SMIM10L2B: variants seen among roughly 807,000 people sequenced by gnomAD.
SMIM10L2B encodes the protein small integral membrane protein 10-like protein 2B.
For synonymous variants in SMIM10L2B, 28 were observed against 30.0 expected (o/e 0.93, Z 0.22); for missense variants, 40 against 58.7 (o/e 0.68, Z 1.04).
chrX:135,098,485 A>G lies in SMIM10L2B; in HGVS notation c.149T>C (p.Leu50Pro). ...LTRTLLTFFD[L>P]AWRLRMNFPY... is the part of the protein sequence containing the mutation. ...GAAGTTCATGCGCAGCCGCCAGGCC[A>G]GGTCGAAGAAGGTGAGCAGCGTGCG... Residue 50 changes from leucine to proline, a missense_variant, in exon 1 of 2, where the codon CTG becomes CCG. Coordinates refer to ENST00000433425, the MANE Select transcript of SMIM10L2B (RefSeq NM_001348255.2). 1 of 1,057,219 alleles carries G rather than the reference A, an allele frequency of 9.5e-7. No individual in the cohort carries two copies. The highest frequency in any genetic ancestry group is 4.0e-5 in the East Asian group (1 of 24,821). 87.1% of individuals were successfully genotyped at this position (1,057,219 alleles called of 1,213,427 possible).
In SMIM10L2B at chrX:135,096,908, C is replaced by T. The variant is rs782062301; in HGVS notation, c.*578G>A. ...AGTTCCCAGGGAACTCAGACCTTCC[C>T]TCCCAAGCCAGGACTCGATCACTGG... On this transcript the variant is annotated 3_prime_UTR_variant, in exon 2 of 2. Coordinates refer to ENST00000433425, the MANE Select transcript of SMIM10L2B (RefSeq NM_001348255.2). The T allele has an allele frequency of 1.8e-5, 2 of 112,895 alleles. No individual in the cohort carries two copies. The highest frequency in any genetic ancestry group is 2.8e-4 in the East Asian group (1 of 3,554). The allele number at this position is 112,895 out of a possible 1,213,427, so 9.3% of individuals were successfully genotyped here.
rs1164043124 is a variant in SMIM10L2B, at chrX:135,095,598, C to T, written c.*1888G>A. On this transcript the variant is annotated 3_prime_UTR_variant, in exon 2 of 2. Coordinates refer to ENST00000433425, the MANE Select transcript of SMIM10L2B (RefSeq NM_001348255.2). The stretch of plus-strand genomic sequence containing the variant: ...CACATGCAATCAGCAAAGAACTTTC[C>T]TCCACCCTTCCTGGCTGGCCCAGGA... 1 of 111,834 alleles carries T rather than the reference C, an allele frequency of 8.9e-6. No homozygotes were observed. Among genetic ancestry groups the T allele is most frequent in the Non-Finnish European group, 1.9e-5 (1 of 52,992 alleles). The allele number at this position is 111,834 out of a possible 1,213,427, so 9.2% of individuals were successfully genotyped here. A position where few individuals can be genotyped will look rare whatever the true frequency, so the allele number is the denominator to read the frequency against.
Position 135,095,849 on chromosome X carries a change from C to G in SMIM10L2B, c.*1637G>C, listed in dbSNP as rs2083445000. The G allele has an allele frequency of 8.9e-6, 1 of 111,823 alleles. No individual in the cohort carries two copies. The highest frequency in any genetic ancestry group is 3.3e-5 in the African/African-American group (1 of 30,681). The allele number at this position is 111,823 out of a possible 1,213,427, so 9.2% of individuals were successfully genotyped here. On this transcript the variant is annotated 3_prime_UTR_variant, in exon 2 of 2. Coordinates refer to ENST00000433425, the MANE Select transcript of SMIM10L2B (RefSeq NM_001348255.2). ...ACAGGGTTGGGGCGGATGAGAGAGG[C>G]CAGCAAGGTCAGGGGTTCTCAGGAG...
Position 135,098,573 on chromosome X carries a change from C to T in SMIM10L2B, c.61G>A (p.Val21Ile), listed in dbSNP as rs1335231458. ...AAAAALSGLA[V>I]RLSRSAAARG... ...GCCGCCGCCGAGCGCGACAGCCGAA[C>T]CGCCAAGCCAGACAGGGCTGCCGCC... Residue 21 changes from valine (V) to isoleucine (I), a missense_variant, in exon 1 of 2, where the codon GTT (valine) becomes ATT (isoleucine). By Grantham distance (29) the Val-to-Ile change is conservative. Transcript: ENST00000433425. The T allele has an allele frequency of 5.1e-6, 4 of 781,067 alleles. No individual in the cohort carries two copies. Among genetic ancestry groups the T allele is most frequent in the South Asian group, 3.5e-5 (1 of 28,745 alleles). The allele number at this position is 781,067 out of a possible 1,213,427, so 64.4% of individuals were successfully genotyped here. A position where few individuals can be genotyped will look rare whatever the true frequency, so the allele number is the denominator to read the frequency against.
Position 135,098,362 on chromosome X carries a change from A to T in SMIM10L2B, c.*35T>A. ...CGGGCGGGGACACTGTCGCCCCTCC[A>T]GCCGGGCCTCCGCGGCCGCCGCCGC... On this transcript the variant is annotated 3_prime_UTR_variant, in exon 1 of 2. Transcript: ENST00000433425. 2.5e-6 allele frequency: 1 copy of T among 399,176 alleles called. No individual in the cohort carries two copies. The highest frequency in any genetic ancestry group is 4.0e-6 in the Non-Finnish European group (1 of 251,123). 32.9% of individuals were successfully genotyped at this position (399,176 alleles called of 1,213,427 possible).
rs1395059925 is a variant in SMIM10L2B at position 135,098,342 on chromosome X, G to A, written c.*55C>T. ...GCCCGCGACCCGGCCGGGGGCGGGC[G>A]GGGACACTGTCGCCCCTCCAGCCGG... On this transcript the variant is annotated 3_prime_UTR_variant, in exon 1 of 2. Coordinates refer to ENST00000433425, the MANE Select transcript of SMIM10L2B (RefSeq NM_001348255.2). The A allele has an allele frequency of 6.2e-6, 2 of 324,188 alleles. No homozygotes were observed. Among genetic ancestry groups the A allele is most frequent in the Non-Finnish European group, 1.0e-5 (2 of 196,089 alleles). 26.7% of individuals were successfully genotyped at this position (324,188 alleles called of 1,213,427 possible).
In SMIM10L2B at chrX:135,095,779, G is replaced by A. The variant is rs2083444779; in HGVS notation, c.*1707C>T. 8.9e-6 allele frequency: 1 copy of A among 112,162 alleles called. No individual in the cohort carries two copies. Among genetic ancestry groups the A allele is most frequent in the Non-Finnish European group, 1.9e-5 (1 of 53,248 alleles). 9.2% of individuals were successfully genotyped at this position (112,162 alleles called of 1,213,427 possible). ...AGAGGCTGCCCCCAGAGATCTGTTG[G>A]GGGGACCAGCAGGCTGACAGGCCCC... On this transcript the variant is annotated 3_prime_UTR_variant, in exon 2 of 2. Coordinates refer to ENST00000433425, the MANE Select transcript of SMIM10L2B (RefSeq NM_001348255.2).
In SMIM10L2B at chrX:135,098,428, A is replaced by G. The variant is rs782576507; in HGVS notation, c.206T>C (p.Leu69Pro). ...GATCCGCACTTGCAGGCGGACGTTG[A>G]GCATCACCGAGGCCACGATGTAGAA... Reference protein sequence around the residue: ...PYFYIVASVMLNVRLQVRIE With the variant: ...PYFYIVASVMPNVRLQVRIE Residue 69 changes from leucine to proline, a missense_variant, in exon 1 of 2, where the codon CTC becomes CCC. Transcript: ENST00000433425. The G allele has an allele frequency of 7.0e-5, 55 of 789,967 alleles. No homozygotes were observed. The highest frequency in any genetic ancestry group is 9.5e-5 in the Non-Finnish European group (55 of 579,713). The allele number at this position is 789,967 out of a possible 1,213,427, so 65.1% of individuals were successfully genotyped here.
Position 135,098,561 on chromosome X carries a change from G to T in SMIM10L2B, c.73C>A (p.Arg25Ser), listed in dbSNP as rs2148436178. The change falls in exon 1 of 2, where the codon CGC becomes AGC. Residue 25 changes from arginine (R) to serine (S), a missense_variant. Coordinates refer to ENST00000433425, the MANE Select transcript of SMIM10L2B (RefSeq NM_001348255.2). ...ALSGLAVRLSRSAAARGSYGA... is the reference protein window; with the variant it reads ...ALSGLAVRLSSSAAARGSYGA... The stretch of plus-strand genomic sequence containing the variant: ...TATGAGCCTCGGGCCGCCGCCGAGC[G>T]CGACAGCCGAACCGCCAAGCCAGAC... The T allele has an allele frequency of 1.2e-6, 1 of 861,222 alleles. No homozygotes were observed. The highest frequency in any genetic ancestry group is 3.1e-5 in the South Asian group (1 of 32,683). The allele number at this position is 861,222 out of a possible 1,213,427, so 71.0% of individuals were successfully genotyped here.
Position 135,098,325 on chromosome X carries a change from C to T in SMIM10L2B, c.*72G>A. On this transcript the variant is annotated 3_prime_UTR_variant, in exon 1 of 2. Coordinates refer to ENST00000433425, the MANE Select transcript of SMIM10L2B (RefSeq NM_001348255.2). ...ATCCAGCTGTCCTTCATGCCCGCGA[C>T]CCGGCCGGGGGCGGGCGGGGACACT... 3.3e-6 allele frequency: 1 copy of T among 301,947 alleles called. No individual in the cohort carries two copies. The highest frequency in any genetic ancestry group is 5.6e-6 in the Non-Finnish European group (1 of 178,085). The allele number at this position is 301,947 out of a possible 1,213,427, so 24.9% of individuals were successfully genotyped here.
chrX:135,098,470 C>T lies in SMIM10L2B; in HGVS notation c.164G>A (p.Arg55His). 9.7e-7 allele frequency: 1 copy of T among 1,033,037 alleles called. No homozygotes were observed. The highest frequency in any genetic ancestry group is 1.3e-6 in the Non-Finnish European group (1 of 783,604). 85.1% of individuals were successfully genotyped at this position (1,033,037 alleles called of 1,213,427 possible). The change falls in exon 1 of 2, where the codon CGC (arginine) becomes CAC (histidine). Residue 55 changes from arginine (R) to histidine (H), a missense_variant. By Grantham distance (29) the Arg-to-His change is conservative. Transcript: ENST00000433425. ...GATGTAGAAGTAGGGGAAGTTCATGCGCAGCCGCCAGGCCAGGTCGAAGAA... is the reference window on the plus strand; with the variant it reads ...GATGTAGAAGTAGGGGAAGTTCATGTGCAGCCGCCAGGCCAGGTCGAAGAA... The part of the protein sequence containing the change: ...LTFFDLAWRL[R>H]MNFPYFYIVA...
rs1351332205 is a variant in SMIM10L2B, at chrX:135,096,154, G to A, written c.*1332C>T. On this transcript the variant is annotated 3_prime_UTR_variant, in exon 2 of 2. Transcript: ENST00000433425. Reference sequence around the variant, plus strand: ...AAATGGGGATAGCAGGTGAGGGCGAGGGTCCCTTCCTGGCTCCCCTCTGGG... The same window carrying A: ...AAATGGGGATAGCAGGTGAGGGCGAAGGTCCCTTCCTGGCTCCCCTCTGGG... 9.0e-6 allele frequency: 1 copy of A among 111,165 alleles called. No homozygotes were observed. Among genetic ancestry groups the A allele is most frequent in the African/African-American group, 3.3e-5 (1 of 30,512 alleles). 9.2% of individuals were successfully genotyped at this position (111,165 alleles called of 1,213,427 possible).
At chrX:135,097,333 G>C (rs2083450344) in intron 1 of SMIM10L2B, among the ~76,000 whole-genome samples, 1 of 112,782 alleles carries the variant, frequency 8.9e-6, no homozygotes, top group Admixed American at 9.3e-5. Flanking sequence ...TGGAGGATGG[G>C]ACTCTGGCCC....
In SMIM10L2B at chrX:135,095,032, T is replaced by G. The variant is rs2083441655; in HGVS notation, c.*2454A>C. The G allele has an allele frequency of 9.1e-6, 1 of 110,188 alleles. No individual in the cohort carries two copies. 9.1% of individuals were successfully genotyped at this position (110,188 alleles called of 1,213,427 possible). The stretch of plus-strand genomic sequence containing the variant: ...CAAGGACTTTTTTTTTTTTTTAAAC[T>G]TAGAGAAAACAAGAAGACGTGACAA... On this transcript the variant is annotated 3_prime_UTR_variant, in exon 2 of 2. Coordinates refer to ENST00000433425, the MANE Select transcript of SMIM10L2B (RefSeq NM_001348255.2).
At chrX:135,097,488 T>A (rs1324444895) in intron 1 of SMIM10L2B, among the ~76,000 whole-genome samples, 1 of 111,117 alleles carries the variant, frequency 9.0e-6, no homozygotes, top group Non-Finnish European at 1.9e-5. Flanking sequence ...TGCCCTCAGG[T>A]AGGGGCAGGG....
In SMIM10L2B at chrX:135,098,586, C is replaced by G. The variant is rs2083456827; in HGVS notation, c.48G>C (p.Leu16=). The G allele has an allele frequency of 1.5e-6, 1 of 682,406 alleles. No homozygotes were observed. The highest frequency in any genetic ancestry group is 2.2e-5 in the African/African-American group (1 of 44,530). 56.2% of individuals were successfully genotyped at this position (682,406 alleles called of 1,213,427 possible). A position where few individuals can be genotyped will look rare whatever the true frequency, so the allele number is the denominator to read the frequency against. Residue 16 remains leucine, a synonymous_variant, in exon 1 of 2, where the codon CTG becomes CTC. Coordinates refer to ENST00000433425, the MANE Select transcript of SMIM10L2B (RefSeq NM_001348255.2). The part of the protein sequence containing the change: ...ALSAAAAAAA[L]SGLAVRLSRS... ...GCGACAGCCGAACCGCCAAGCCAGACAGGGCTGCCGCCGCCGCCGCCGCAG... is the reference window on the plus strand; with the variant it reads ...GCGACAGCCGAACCGCCAAGCCAGAGAGGGCTGCCGCCGCCGCCGCCGCAG...
Position 135,098,138 on chromosome X carries a change from A to C in SMIM10L2B, c.*259T>G. 1 of 207,532 alleles carries C rather than the reference A, an allele frequency of 4.8e-6. No individual in the cohort carries two copies. Among genetic ancestry groups the C allele is most frequent in the East Asian group, 8.4e-5 (1 of 11,974 alleles). 17.1% of individuals were successfully genotyped at this position (207,532 alleles called of 1,213,427 possible). On this transcript the variant is annotated 3_prime_UTR_variant, in exon 1 of 2. Transcript: ENST00000433425. The stretch of plus-strand genomic sequence containing the variant: ...GGCAACAGGTAGTCCGAGCTCAGGT[A>C]GTTTCTGGAGCCCAATTGTAGGGGC...
chrX:135,098,315 A>T lies in SMIM10L2B; in HGVS notation c.*82T>A. 1 of 288,286 alleles carries T rather than the reference A, an allele frequency of 3.5e-6. No individual in the cohort carries two copies. The highest frequency in any genetic ancestry group is 6.0e-6 in the Non-Finnish European group (1 of 167,659). 23.8% of individuals were successfully genotyped at this position (288,286 alleles called of 1,213,427 possible). On this transcript the variant is annotated 3_prime_UTR_variant, in exon 1 of 2. Transcript: ENST00000433425. Reference sequence around the variant, plus strand: ...CCCCGCCGCGATCCAGCTGTCCTTCATGCCCGCGACCCGGCCGGGGGCGGG... The same window carrying T: ...CCCCGCCGCGATCCAGCTGTCCTTCTTGCCCGCGACCCGGCCGGGGGCGGG...
At position 135,098,107 on chromosome X, in the gene SMIM10L2B, A is replaced by G. The variant is rs1323688071; in HGVS notation, c.*290T>C. 5 of 178,574 alleles carry G rather than the reference A, an allele frequency of 2.8e-5. No individual in the cohort carries two copies. Among genetic ancestry groups the G allele is most frequent in the Non-Finnish European group, 5.3e-5 (5 of 95,050 alleles). The allele number at this position is 178,574 out of a possible 1,213,427, so 14.7% of individuals were successfully genotyped here. A position where few individuals can be genotyped will look rare whatever the true frequency, so the allele number is the denominator to read the frequency against. ...CTTCTGGTTTCCCCCTCTTTTGCCA[A>G]TGTGAGGCAACAGGTAGTCCGAGCT... On this transcript the variant is annotated 3_prime_UTR_variant, in exon 1 of 2. Transcript: ENST00000433425.
Sources: allele counts gnomAD v4.1 joint callset (sites outside exome capture counted in the v4.1 genomes callset), GRCh38; gene constraint gnomAD v4.1.1; transcripts MANE v1.5; gene names NCBI Gene and HGNC (gene_info 2026-07-23, HGNC 2026-07-21).